Variants in IRAK3 observed in about 807,000 individuals in gnomAD.
IRAK3 encodes interleukin-1 receptor-associated kinase 3.
A neutral mutation model predicts 56.6 loss-of-function variants in IRAK3; 57 were observed. The observed-to-expected ratio is 1.01, with a 90% CI of 0.81 to 1.26. The LOEUF (loss-of-function observed/expected upper bound fraction) is 1.26, where lower values mean the gene tolerates loss of function less well. Among genes scored for constraint, IRAK3 ranks in the 50% most tolerant of loss-of-function variants. IRAK3 has a pLI of 0.00. For synonymous variants in IRAK3, 258 were observed against 255.7 expected, an observed-to-expected ratio of 1.01 and a Z score of -0.09; for missense variants, 703 against 719.0, an observed-to-expected ratio of 0.98 and a Z score of 0.25.
chr12:66,234,909 G>A (rs2052886519), intron 8 of IRAK3: 50 of 1,614,154 alleles, frequency 3.1e-5, no homozygotes, highest in Non-Finnish European at 3.7e-5. Flanking sequence ...ATTTGAGCTT[G>A]AACCCCACTG....
chr12:66,196,963 A>G, intron 1 of IRAK3: 2 of 1,535,294 alleles, frequency 1.3e-6, no homozygotes, highest in Non-Finnish European at 1.7e-6. Flanking sequence ...CAAAGATTCC[A>G]AATACGGATG....
chr12:66,210,231 T>G, intron 4 of IRAK3, 30 bp downstream of exon 4: 1 of 1,367,102 alleles, frequency 7.3e-7, no homozygotes, highest in Non-Finnish European at 1.0e-6. Context: ...TTTCCAACAA[T>G]TTTTTTAAAA....
intron 8 of IRAK3, among the ~76,000 whole-genome samples, chr12:66,235,818 GAGAACCTATAGC>G (rs1195066978): frequency 6.6e-6 from 1 of 151,992 alleles, no homozygotes; most frequent in Non-Finnish European, 1.5e-5. Flanking sequence ...TGTTTGGTTG[GAGAACCTATAGC>G]TTATTTTTCA....
At chr12:66,194,859 T>C (rs2052436105) in intron 1 of IRAK3, among the ~76,000 whole-genome samples, 1 of 151,812 alleles carries the variant, frequency 6.6e-6, no homozygotes, top group Non-Finnish European at 1.5e-5. Context: ...ACATGCTCCT[T>C]GATTTCTTCT....
rs751874261 is a variant in IRAK3 at position 66,247,751 on chromosome 12, C to T, written c.1371C>T (p.Pro457=). 6.2e-7 allele frequency: 1 copy of T among 1,614,022 alleles called. No homozygotes were observed. Among genetic ancestry groups the T allele is most frequent in the African/African-American group, 1.3e-5 (1 of 74,920 alleles). ...QASLYFAEDP[P]TSLKSFRCPS... ...GCTTGTATTTTGCTGAAGATCCTCC[C>T]ACATCACTAAAGTCCTTCAGGTGTC... is the stretch of plus-strand genomic sequence containing the variant. Residue 457 remains proline (P), a synonymous_variant, in exon 12 of 12, where the codon CCC becomes CCT. Transcript: ENST00000261233.
rs768767136 is a variant in IRAK3, at chr12:66,211,599, T to C, written c.588+2T>C. The C allele has an allele frequency of 8.1e-6, 13 of 1,606,912 alleles. No homozygotes were observed. The South Asian group carries it at 1.2e-4, about 15-fold the overall frequency. ...TATGCTGTCAAATTATTTAAACAGG[T>C]ATGGAAAGAATTACTGTCACAGGAC... is the stretch of plus-strand genomic sequence containing the variant. On this transcript the variant is annotated splice_donor_variant, in intron 5 of 11. Transcript: ENST00000261233. LOFTEE classifies it high-confidence loss of function.
At chr12:66,194,304 T>C (rs938229104) in intron 1 of IRAK3, among the ~76,000 whole-genome samples, 3 of 152,212 alleles carry the variant, frequency 2.0e-5, no homozygotes, top group Admixed American at 6.5e-5. Context: ...CCCACTGCTC[T>C]GTTCCTCTTT....
chr12:66,202,804 C>CA (rs1435338734), intron 1 of IRAK3, among the ~76,000 whole-genome samples: 2 of 142,026 alleles, frequency 1.4e-5, no homozygotes, highest in Non-Finnish European at 3.1e-5. Context: ...GATGTTGTCT[C>CA]AAAAAAATAA....
At chr12:66,238,808 T>C (rs938250041) in intron 8 of IRAK3, among the ~76,000 whole-genome samples, 10 of 152,238 alleles carry the variant, frequency 6.6e-5, no homozygotes, top group African/African-American at 2.4e-4. Flanking sequence ...AATGTCTTAG[T>C]AATTTGAACT....
intron 1 of IRAK3, among the ~76,000 whole-genome samples, chr12:66,202,483 C>A (rs2052517801): frequency 1.3e-5 from 2 of 152,014 alleles, no homozygotes; most frequent in African/African-American, 4.8e-5. Context: ...GTCAAAAGAA[C>A]ACAAAAGGCC....
At chr12:66,196,955 A>G (rs1239347579) in intron 1 of IRAK3, 2 of 1,535,430 alleles carry the variant, frequency 1.3e-6, no homozygotes, top group Middle Eastern at 1.7e-4. Context: ...TGCAAATACA[A>G]AGATTCCAAA....
intron 1 of IRAK3, among the ~76,000 whole-genome samples, chr12:66,192,195 A>G (rs557397753): frequency 2.5e-4 from 38 of 152,356 alleles, no homozygotes; most frequent in African/African-American, 8.9e-4. Context: ...GTGTCTTCAT[A>G]TAACAGATAT....
At chr12:66,199,214 G>T (rs1387288236) in intron 1 of IRAK3, among the ~76,000 whole-genome samples, 3 of 152,176 alleles carry the variant, frequency 2.0e-5, no homozygotes, top group Admixed American at 2.0e-4. Flanking sequence ...GGAAGAGCAA[G>T]AAGATTTATT....
intron 2 of IRAK3, among the ~76,000 whole-genome samples, chr12:66,207,845 CT>C (rs2052571775): frequency 6.6e-6 from 1 of 152,010 alleles, no homozygotes; most frequent in Admixed American, 6.6e-5. Context: ...TTTCCTTTTG[CT>C]GCTGATTTGT....
intron 1 of IRAK3, chr12:66,197,391 T>G: frequency 1.0e-6 from 1 of 990,520 alleles, no homozygotes; most frequent in Non-Finnish European, 1.2e-6. Context: ...AATTAACATG[T>G]TGAGAGTTTG....
chr12:66,237,097 C>T (rs1190835113), intron 8 of IRAK3, among the ~76,000 whole-genome samples: 1 of 152,156 alleles, frequency 6.6e-6, no homozygotes, highest in Non-Finnish European at 1.5e-5. Flanking sequence ...CTTTCTGGCA[C>T]TGTGATCTTG....
At chr12:66,235,413 C>T (rs1477842746) in intron 8 of IRAK3, among the ~76,000 whole-genome samples, 2 of 151,206 alleles carry the variant, frequency 1.3e-5, no homozygotes, top group Admixed American at 1.3e-4. Flanking sequence ...TGGGAACTCC[C>T]TCTCGCCGCG....
At chr12:66,244,739 A>G (rs1380862200) in intron 9 of IRAK3, 55 bp downstream of exon 9, 3 of 1,472,948 alleles carry the variant, frequency 2.0e-6, no homozygotes, top group East Asian at 4.6e-5. Flanking sequence ...AATGTTCTAG[A>G]TTCTAAGAAT....
chr12:66,246,598 G>A (rs1288948596), intron 11 of IRAK3, among the ~76,000 whole-genome samples: 4 of 152,214 alleles, frequency 2.6e-5, no homozygotes, highest in Non-Finnish European at 4.4e-5. Flanking sequence ...TTGGAAGCCC[G>A]GAGATCCGGT....
Sources: gnomAD v4.1 joint callset for allele counts (sites outside exome capture counted in the v4.1 genomes callset) on GRCh38, gnomAD v4.1.1 for gene constraint, MANE v1.5 for transcripts, NCBI Gene and HGNC (gene_info 2026-07-23, HGNC 2026-07-21) for gene names.